CHRDL2: variants seen among roughly 807,000 people sequenced by gnomAD.
CHRDL2 encodes the protein chordin-like protein 2.
A neutral mutation model predicts 54.3 loss-of-function variants in CHRDL2; 41 were observed. The ratio of observed to expected loss-of-function variants is 0.76; its 90% CI spans 0.59 to 0.98. The LOEUF is 0.98. Among genes scored for constraint, CHRDL2 ranks in the 50% least tolerant of loss-of-function variants. The pLI, the probability that CHRDL2 is intolerant of heterozygous loss-of-function variation, is 0.00. For missense variants in CHRDL2, 518 were observed against 562.4 expected (o/e 0.92, Z 0.80); for synonymous variants, 220 against 224.3 (o/e 0.98, Z 0.17).
chr11:74,725,443 GCCAAA>G (rs997280537), intron 1 of CHRDL2, among the ~76,000 whole-genome samples: 4 of 152,096 alleles, frequency 2.6e-5, no homozygotes, highest in Non-Finnish European at 5.9e-5. Flanking sequence ...CAAACCACTG[GCCAAA>G]CCAAATGACA....
chr11:74,713,054 A>G (rs561923785), intron 3 of CHRDL2, among the ~76,000 whole-genome samples: 1 of 152,134 alleles, frequency 6.6e-6, no homozygotes, highest in East Asian at 1.9e-4. Flanking sequence ...CACTTCCCAG[A>G]CTGCGCCCAC....
intron 1 of CHRDL2, among the ~76,000 whole-genome samples, chr11:74,728,304 C>CTA (rs1387626417): frequency 6.6e-6 from 1 of 152,138 alleles, no homozygotes. Flanking sequence ...AAGATATCAC[C>CTA]AGATTTCTGA....
intron 2 of CHRDL2, among the ~76,000 whole-genome samples, chr11:74,716,540 C>CAAA (rs751918696): frequency 1.0e-4 from 6 of 57,636 alleles, no homozygotes; most frequent in Middle Eastern, 6.9e-3. Flanking sequence ...ACTCCATCTC[C>CAAA]AAAAAAAAAA....
chr11:74,730,993 G>T lies in CHRDL2; in HGVS notation c.-105C>A. 1 of 901,436 alleles carries T rather than the reference G, an allele frequency of 1.1e-6. No individual in the cohort carries two copies. Among genetic ancestry groups the T allele is most frequent in the Non-Finnish European group, 1.7e-6 (1 of 590,748 alleles). The allele number at this position is 901,436 out of a possible 1,614,324, so 55.8% of individuals were successfully genotyped here. A position where few individuals can be genotyped will look rare whatever the true frequency, so the allele number is the denominator to read the frequency against. ...CCACAGATCAACCCACAGACCCCAG[G>T]AGGTCTGCTGCTAGAGCGGGGTCGG... On this transcript the variant is annotated 5_prime_UTR_variant, in exon 1 of 11. Transcript: ENST00000376332.
chr11:74,716,009 T>G (rs1195827512), intron 2 of CHRDL2, among the ~76,000 whole-genome samples: 1 of 150,098 alleles, frequency 6.7e-6, no homozygotes, highest in Non-Finnish European at 1.5e-5. Flanking sequence ...AATAAATAAA[T>G]AGAGGAATAT....
At chr11:74,706,914 C>T (rs1431856319) in intron 5 of CHRDL2, among the ~76,000 whole-genome samples, 1 of 152,200 alleles carries the variant, frequency 6.6e-6, no homozygotes, top group Non-Finnish European at 1.5e-5. Flanking sequence ...GGCCCAAAGG[C>T]CCAGAATCCC....
chr11:74,724,848 A>G (rs952076283), intron 1 of CHRDL2, among the ~76,000 whole-genome samples: 11 of 152,204 alleles, frequency 7.2e-5, no homozygotes, highest in African/African-American at 2.7e-4. Context: ...CAAGGACCAG[A>G]TCTCATTAAA....
intron 7 of CHRDL2, among the ~76,000 whole-genome samples, chr11:74,703,764 G>A (rs184996440): frequency 8.5e-5 from 13 of 152,342 alleles, no homozygotes; most frequent in Admixed American, 7.8e-4. Context: ...GCACTTCTGC[G>A]GGAGCAAGGA....
intron 3 of CHRDL2, among the ~76,000 whole-genome samples, chr11:74,712,309 A>G (rs2034218081): frequency 2.6e-5 from 4 of 152,120 alleles, no homozygotes; most frequent in African/African-American, 4.8e-5. Context: ...TGGCATGGCA[A>G]CGGTGAGCAG....
chr11:74,713,110 G>A (rs866785437), intron 3 of CHRDL2, among the ~76,000 whole-genome samples: 2 of 152,152 alleles, frequency 1.3e-5, no homozygotes, highest in Non-Finnish European at 2.9e-5. Context: ...GCCTAAGTGT[G>A]CCAGTCAGCA....
intron 1 of CHRDL2, among the ~76,000 whole-genome samples, chr11:74,722,396 A>G (rs1267666821): frequency 6.6e-6 from 1 of 152,182 alleles, no homozygotes; most frequent in Non-Finnish European, 1.5e-5. Flanking sequence ...CTGAATTTAG[A>G]CAAGTTACCT....
intron 1 of CHRDL2, among the ~76,000 whole-genome samples, chr11:74,719,835 C>A (rs1029558632): frequency 2.0e-5 from 3 of 152,198 alleles, no homozygotes; most frequent in Non-Finnish European, 4.4e-5. Context: ...CACTGATCCA[C>A]TCCTGCTCCC....
chr11:74,702,900 G>A lies in CHRDL2; in HGVS notation c.1014C>T (p.Val338=). The A allele has an allele frequency of 5.0e-6, 8 of 1,614,168 alleles. No individual in the cohort carries two copies. Among genetic ancestry groups the A allele is most frequent in the Non-Finnish European group, 6.8e-6 (8 of 1,180,022 alleles). ...TTGGGGATACCGATGTGTGGACGAG[G>A]ACCCGGCCCGGTGCCTTGGGACACC... ...STRCPKAPGR[V]LVHTSVSPSP... The change falls in exon 9 of 11, where the codon GTC becomes GTT. Residue 338 remains valine, a synonymous_variant. Coordinates refer to ENST00000376332, the MANE Select transcript of CHRDL2 (RefSeq NM_001278473.3).
intron 3 of CHRDL2, among the ~76,000 whole-genome samples, chr11:74,711,516 T>G (rs192138754): frequency 8.1e-4 from 124 of 152,258 alleles, no homozygotes; most frequent in Non-Finnish European, 1.5e-3. Context: ...CACCTGCCCA[T>G]CAGTCCGTCC....
chr11:74,702,609 C>G (rs2033856341), intron 9 of CHRDL2, among the ~76,000 whole-genome samples, 185 bp downstream of exon 9: 1 of 152,210 alleles, frequency 6.6e-6, no homozygotes, highest in South Asian at 2.1e-4. Context: ...AGGAGCTTAT[C>G]AGAATTGTAG....
chr11:74,702,614 T>A (rs960487619), intron 9 of CHRDL2, among the ~76,000 whole-genome samples, 180 bp downstream of exon 9: 6 of 152,204 alleles, frequency 3.9e-5, no homozygotes, highest in African/African-American at 1.4e-4. Flanking sequence ...CTTATCAGAA[T>A]TGTAGAGAAC....
intron 2 of CHRDL2, among the ~76,000 whole-genome samples, chr11:74,716,284 C>T (rs1433593581): frequency 6.6e-6 from 1 of 152,058 alleles, no homozygotes; most frequent in African/African-American, 2.4e-5. Flanking sequence ...TGCCTGTAAT[C>T]CCAGCACTTT....
intron 6 of CHRDL2, among the ~76,000 whole-genome samples, chr11:74,705,569 G>C (rs147580917): frequency 6.6e-6 from 1 of 152,348 alleles, no homozygotes; most frequent in African/African-American, 2.4e-5. Context: ...AAAGGCAAGA[G>C]GGAATCAAAC....
At chr11:74,719,709 G>T (rs1231633694) in intron 1 of CHRDL2, among the ~76,000 whole-genome samples, 1 of 152,228 alleles carries the variant, frequency 6.6e-6, no homozygotes, top group Non-Finnish European at 1.5e-5. Context: ...CACATCAGTT[G>T]TCAATATCTG....
Sources: gnomAD v4.1 joint callset for allele counts (sites outside exome capture counted in the v4.1 genomes callset) on GRCh38, gnomAD v4.1.1 for gene constraint, MANE v1.5 for transcripts, NCBI Gene and HGNC (gene_info 2026-07-23, HGNC 2026-07-21) for gene names.